The following KLHL1 variants were observed in gnomAD, a reference collection of about 807,000 sequenced individuals.
KLHL1 encodes kelch like family member 1, also known as kelch-like protein 1.
A neutral mutation model predicts 77.7 loss-of-function variants in KLHL1; 47 were observed. The ratio of observed to expected loss-of-function variants is 0.60; its 90% CI spans 0.48 to 0.77. The LOEUF is 0.77. Ranked by LOEUF, KLHL1 falls within the 30% of genes least tolerant of loss-of-function variation. KLHL1 has a pLI of 0.00. For missense variants in KLHL1, 925 were observed against 910.8 expected (o/e 1.02, Z -0.20); for synonymous variants, 360 against 325.2 (o/e 1.11, Z -1.15).
chr13:69,978,332 G>T (rs1884606800), intron 1 of KLHL1, among the ~76,000 whole-genome samples: 1 of 151,310 alleles, frequency 6.6e-6, no homozygotes, highest in Non-Finnish European at 1.5e-5. Context: ...TTCTGCTTGG[G>T]TACGCAGACT....
intron 1 of KLHL1, among the ~76,000 whole-genome samples, chr13:70,000,018 A>G (rs530311951): frequency 1.6e-4 from 24 of 152,152 alleles, no homozygotes; most frequent in African/African-American, 4.1e-4. Context: ...GCTTGCTGCC[A>G]TCCTTATAAT....
At chr13:70,057,958 T>A (rs1886790107) in intron 1 of KLHL1, among the ~76,000 whole-genome samples, 1 of 152,000 alleles carries the variant, frequency 6.6e-6, no homozygotes, top group African/African-American at 2.4e-5. Flanking sequence ...CATGTACAAA[T>A]CAATCATATC....
intron 7 of KLHL1, among the ~76,000 whole-genome samples, chr13:69,761,168 C>T (rs530126251): frequency 6.6e-6 from 1 of 152,286 alleles, no homozygotes; most frequent in Admixed American, 6.5e-5. Flanking sequence ...AATCTGGCAG[C>T]ATAATGAACC....
At chr13:70,075,045 T>C (rs7330997) in intron 1 of KLHL1, among the ~76,000 whole-genome samples, 19,419 of 151,782 alleles carry the variant, frequency 0.13, 1,368 homozygotes, top group African/African-American at 0.15. Context: ...CTGACAAAAG[T>C]CAGATTAATA....
intron 1 of KLHL1, among the ~76,000 whole-genome samples, chr13:70,060,434 A>T (rs572824689): frequency 6.6e-6 from 1 of 152,292 alleles, no homozygotes; most frequent in Non-Finnish European, 1.5e-5. Context: ...AAAAGGAAGA[A>T]AATCAATATT....
At chr13:69,838,304 C>T (rs1298002866) in intron 6 of KLHL1, among the ~76,000 whole-genome samples, 1 of 151,478 alleles carries the variant, frequency 6.6e-6, no homozygotes, top group Non-Finnish European at 1.5e-5. Flanking sequence ...TTATTAGAAA[C>T]AAACATGAAA....
intron 6 of KLHL1, among the ~76,000 whole-genome samples, chr13:69,814,199 A>G (rs1290016778): frequency 6.6e-6 from 1 of 152,192 alleles, no homozygotes; most frequent in Non-Finnish European, 1.5e-5. Context: ...CATACGCAGA[A>G]AAATGAAACT....
intron 1 of KLHL1, among the ~76,000 whole-genome samples, chr13:70,048,723 C>G (rs1886558515): frequency 6.6e-6 from 1 of 152,162 alleles, no homozygotes. Flanking sequence ...AGGAAGAGTT[C>G]AGGCAGTGAT....
intron 4 of KLHL1, among the ~76,000 whole-genome samples, chr13:69,906,326 A>G (rs1882043167): frequency 1.3e-5 from 2 of 151,970 alleles, no homozygotes. Flanking sequence ...GTGGTCAAGG[A>G]AAGGCGTAGG....
chr13:69,756,015 G>T (rs190027401), intron 7 of KLHL1, among the ~76,000 whole-genome samples: 2 of 152,090 alleles, frequency 1.3e-5, no homozygotes, highest in Non-Finnish European at 2.9e-5. Context: ...CCATTGGGCC[G>T]TTAGTGGAAT....
At chr13:69,856,513 C>T (rs981933513) in intron 5 of KLHL1, among the ~76,000 whole-genome samples, 1 of 152,032 alleles carries the variant, frequency 6.6e-6, no homozygotes, top group Admixed American at 6.6e-5. Flanking sequence ...AGGGTAAAAT[C>T]GCAGATCCTT....
At chr13:69,959,638 G>T (rs1435415645) in intron 3 of KLHL1, among the ~76,000 whole-genome samples, 4 of 138,668 alleles carry the variant, frequency 2.9e-5, no homozygotes, top group Admixed American at 1.5e-4. Context: ...TTGCTAGTTT[G>T]CTAGTTTTAC....
At chr13:69,901,356 T>C (rs2138226743) in intron 4 of KLHL1, among the ~76,000 whole-genome samples, 1 of 152,290 alleles carries the variant, frequency 6.6e-6, no homozygotes, top group Non-Finnish European at 1.5e-5. Context: ...TTAACTTTGT[T>C]TGTTGTGATA....
In KLHL1 at chr13:70,054,330, G is replaced by A. The variant is rs1002379686; in HGVS notation, c.497+52873C>T. Among the ~76,000 whole-genome samples, 6 of 152,072 alleles carry A rather than the reference G, an allele frequency of 3.9e-5. No homozygotes were observed. In the East Asian group the frequency reaches 9.7e-4, roughly 25 times the overall value. On this transcript the variant is annotated intron_variant, in intron 1 of 10. Coordinates refer to ENST00000377844, the MANE Select transcript of KLHL1 (RefSeq NM_020866.3). The stretch of plus-strand genomic sequence containing the variant: ...GATTAAATAAAGCCATCTCTGTTTT[G>A]GACTTTAATGTGATACAAGTGTCCA...
chr13:69,998,447 T>C lies in KLHL1; in HGVS notation c.498-22645A>G, dbSNP rs962425773. Among the ~76,000 whole-genome samples the C allele has an allele frequency of 2.0e-5, 3 of 152,178 alleles. No individual in the cohort carries two copies. The South Asian group carries it at 6.2e-4, about 32-fold the overall frequency. ...GAGAGAATGGGGACTAGGAATCAAC[T>C]GTGACCCCATTAACTGACTATGGCT... On this transcript the variant is annotated intron_variant, in intron 1 of 10. Coordinates refer to ENST00000377844, the MANE Select transcript of KLHL1 (RefSeq NM_020866.3).
chr13:69,706,994 A>G (rs1875656505), intron 10 of KLHL1, among the ~76,000 whole-genome samples: 2 of 151,934 alleles, frequency 1.3e-5, no homozygotes, highest in South Asian at 4.1e-4. Flanking sequence ...TGCCTCACCT[A>G]AGATAAACCA....
At chr13:69,889,043 C>CATATATAT (rs143899294) in intron 4 of KLHL1, among the ~76,000 whole-genome samples, 6 of 148,468 alleles carry the variant, frequency 4.0e-5, no homozygotes, top group African/African-American at 9.8e-5. Context: ...TTGCATAGGT[C>CATATATAT]ATATATATAT....
chr13:69,750,357 T>C (rs1874417213), intron 7 of KLHL1, among the ~76,000 whole-genome samples: 1 of 151,738 alleles, frequency 6.6e-6, no homozygotes. Flanking sequence ...ATTTAAGTAA[T>C]AGTTCATAGA....
In KLHL1 at chr13:69,829,401, C is replaced by T. The variant is rs898504033; in HGVS notation, c.1414+9575G>A. Among the ~76,000 whole-genome samples the T allele has an allele frequency of 1.7e-4, 25 of 150,220 alleles. 1 individual carries two copies. Among genetic ancestry groups the T allele is most frequent in the African/African-American group, 6.0e-4 (24 of 40,034 alleles). ...CCAAAGGGGAAAGAGGAGAGCACCA[C>T]ATCAAGGAATCACTGTGCAGGACAA... On this transcript the variant is annotated intron_variant, in intron 6 of 10. Coordinates refer to ENST00000377844, the MANE Select transcript of KLHL1 (RefSeq NM_020866.3).
Sources: allele counts gnomAD v4.1 joint callset (sites outside exome capture counted in the v4.1 genomes callset), GRCh38; gene constraint gnomAD v4.1.1; transcripts MANE v1.5; gene names NCBI Gene and HGNC (gene_info 2026-07-23, HGNC 2026-07-21).